The following SNAPC4 variants were observed in gnomAD, a reference collection of about 807,000 sequenced individuals.
SNAPC4 encodes the protein small nuclear RNA activating complex polypeptide 4, also known as snRNA-activating protein complex subunit 4.
SNAPC4 carries 127 observed loss-of-function variants against 151.3 expected under a neutral mutation model. That is an observed-to-expected ratio of 0.84 (90% CI 0.73 to 0.97). The LOEUF (loss-of-function observed/expected upper bound fraction) is 0.97. Ranked by LOEUF, SNAPC4 falls within the 50% of genes least tolerant of loss-of-function variation. The pLI, the probability that SNAPC4 is intolerant of heterozygous loss-of-function variation, is 0.00. For synonymous variants in SNAPC4, 1,002 were observed against 824.4 expected, an observed-to-expected ratio of 1.22 and a Z score of -3.69; for missense variants, 2,186 against 1,935.0, an observed-to-expected ratio of 1.13 and a Z score of -2.43.
Position 136,395,382 on chromosome 9 carries a change from C to T in SNAPC4, c.387G>A (p.Lys129=), listed in dbSNP as rs1296139598. 1.1e-5 allele frequency: 18 copies of T among 1,613,572 alleles called. No homozygotes were observed. Among genetic ancestry groups the T allele is most frequent in the Non-Finnish European group, 1.5e-5 (18 of 1,179,972 alleles). The change falls in exon 5 of 24, where the codon AAG becomes AAA. Residue 129 remains lysine (K), a synonymous_variant. Coordinates refer to ENST00000684778, the MANE Select transcript of SNAPC4 (RefSeq NM_003086.4). ...GGGGCAGGCTTTTGCCATCTTTCAC[C>T]TTGGTGCCTTTGGACCCAGCCAGAT... ...MRDLAGSKGT[K]VKDGKSLPPS...
intron 3 of SNAPC4, among the ~76,000 whole-genome samples, chr9:136,396,259 A>G (rs1379614439): frequency 6.6e-6 from 1 of 152,248 alleles, no homozygotes; most frequent in Non-Finnish European, 1.5e-5. Flanking sequence ...CAGAAGGTGA[A>G]CCACACAGCC....
In SNAPC4 at chr9:136,378,580, G is replaced by C; in HGVS notation, c.3247C>G (p.Gln1083Glu). The C allele has an allele frequency of 6.3e-7, 1 of 1,587,714 alleles. No homozygotes were observed. The highest frequency in any genetic ancestry group is 8.5e-7 in the Non-Finnish European group (1 of 1,169,912). The change falls in exon 22 of 24, where the codon CAG becomes GAG. Residue 1083 changes from glutamine (Q) to glutamate (E), a missense_variant. By Grantham distance (29) the Gln-to-Glu change is conservative. Transcript: ENST00000684778. ...PLPVTWVLTA[Q>E]GLLPVPVPAV... is the part of the protein sequence containing the mutation. Reference sequence around the variant, plus strand: ...GGTACAGGAACAGGGAGAAGCCCCTGGGCTGTGAGCACCCAGGTGACAGGC... The same window carrying C: ...GGTACAGGAACAGGGAGAAGCCCCTCGGCTGTGAGCACCCAGGTGACAGGC...
rs993979291 is a variant in SNAPC4 at position 136,392,813 on chromosome 9, C to A, written c.633-36G>T. 4 of 1,572,678 alleles carry A rather than the reference C, an allele frequency of 2.5e-6. No individual in the cohort carries two copies. The South Asian group carries it at 3.3e-5, about 13-fold the overall frequency. Reference sequence around the variant, plus strand: ...GAGCAGAGGCAGAAGGGCTGGGGCACGAGGGCTGCGGGGCGGGGCAGGTTC... The same window carrying A: ...GAGCAGAGGCAGAAGGGCTGGGGCAAGAGGGCTGCGGGGCGGGGCAGGTTC... On this transcript the variant is annotated intron_variant, in intron 7 of 23. Coordinates refer to ENST00000684778, the MANE Select transcript of SNAPC4 (RefSeq NM_003086.4).
Position 136,382,042 on chromosome 9 carries a change from G to A in SNAPC4, c.2099C>T (p.Thr700Ile), listed in dbSNP as rs1211614544. The A allele has an allele frequency of 2.8e-5, 44 of 1,598,568 alleles. No individual in the cohort carries two copies. Among genetic ancestry groups the A allele is most frequent in the Non-Finnish European group, 3.7e-5 (43 of 1,173,384 alleles). Residue 700 changes from threonine to isoleucine, a missense_variant, in exon 18 of 24, where the codon ACC becomes ATC. Coordinates refer to ENST00000684778, the MANE Select transcript of SNAPC4 (RefSeq NM_003086.4). ...ACCAGAGCTGACCCCTGGGGATGAG[G>A]TGGGCAGGGGTGGCTGCCTCAGCTG... ...KEQLRQPPLP[T>I]SSPGVSSGDS... is the part of the protein sequence containing the mutation.
In SNAPC4 at chr9:136,395,751, T is replaced by TA. The variant is rs762485716; in HGVS notation, c.196_197insT (p.Glu66ValfsTer5). 6.2e-7 allele frequency: 1 copy of TA among 1,612,540 alleles called. No individual in the cohort carries two copies. The highest frequency in any genetic ancestry group is 8.5e-7 in the Non-Finnish European group (1 of 1,179,422). On this transcript the variant is annotated frameshift_variant, in exon 4 of 24. Transcript: ENST00000684778. LOFTEE classifies it high-confidence loss of function. Reference sequence around the variant, plus strand: ...GGGATCGTCCTCGTCATTGCTGGCTTCGCCCCACCTTTCTTCTTCCTGGTA... The same window carrying TA: ...GGGATCGTCCTCGTCATTGCTGGCTTACGCCCCACCTTTCTTCTTCCTGGTA...
intron 16 of SNAPC4, among the ~76,000 whole-genome samples, chr9:136,382,784 G>A (rs908488708): frequency 2.0e-5 from 3 of 152,230 alleles, no homozygotes; most frequent in African/African-American, 7.2e-5. Flanking sequence ...GACCAGCCAA[G>A]ACGAGCAGAC....
intron 5 of SNAPC4, among the ~76,000 whole-genome samples, 180 bp from the exon 6 acceptor site, chr9:136,395,058 T>G (rs1279794598): frequency 2.0e-5 from 3 of 152,200 alleles, no homozygotes; most frequent in Non-Finnish European, 2.9e-5. Context: ...AGGTCAGGCC[T>G]CGCACAGACA....
intron 13 of SNAPC4, among the ~76,000 whole-genome samples, chr9:136,387,115 G>C (rs974295044): frequency 6.6e-6 from 1 of 152,236 alleles, no homozygotes; most frequent in Non-Finnish European, 1.5e-5. Flanking sequence ...GTTTTTGAAA[G>C]GAAAATAAGC....
intron 7 of SNAPC4, among the ~76,000 whole-genome samples, chr9:136,393,000 C>T (rs981228236): frequency 3.3e-5 from 5 of 152,190 alleles, no homozygotes; most frequent in Admixed American, 1.3e-4. Context: ...CAGAGGCTAC[C>T]GCCTGCTGGC....
intron 16 of SNAPC4, among the ~76,000 whole-genome samples, chr9:136,382,611 C>T (rs145739120): frequency 3.5e-4 from 53 of 152,328 alleles, no homozygotes; most frequent in Non-Finnish European, 6.0e-4. Flanking sequence ...GGTGACGCCC[C>T]GGCCTAGGGA....
rs565276085 is a variant in SNAPC4 at position 136,394,084 on chromosome 9, A to G, written c.632+165T>C. On this transcript the variant is annotated intron_variant, in intron 7 of 23. Coordinates refer to ENST00000684778, the MANE Select transcript of SNAPC4 (RefSeq NM_003086.4). ...AGGTGTGCACCACCACACCCAGCTA[A>G]TTTTTTTACTTTTTGAAGAGATGGG... Among the ~76,000 whole-genome samples the G allele has an allele frequency of 3.3e-5, 5 of 152,194 alleles. No individual in the cohort carries two copies. The East Asian group carries it at 9.7e-4, about 29-fold the overall frequency.
In SNAPC4 at chr9:136,382,125, G is replaced by A. The variant is rs576252428; in HGVS notation, c.2068-52C>T. 60 of 1,563,522 alleles carry A rather than the reference G, an allele frequency of 3.8e-5. No homozygotes were observed. The African/African-American group carries it at 7.3e-4, about 19-fold the overall frequency. On this transcript the variant is annotated intron_variant, in intron 17 of 23. Transcript: ENST00000684778. ...CCCATGGCCAGGCTCGGCCCCCGGA[G>A]TGGACCCTGCCCAGTGGCCAGTGCT...
chr9:136,392,958 C>T (rs373366452), intron 7 of SNAPC4, among the ~76,000 whole-genome samples, 181 bp from the exon 8 acceptor site: 35 of 152,204 alleles, frequency 2.3e-4, no homozygotes, highest in African/African-American at 8.0e-4. Context: ...AGGCTGCCAC[C>T]GGGGTGGGAA....
intron 1 of SNAPC4, among the ~76,000 whole-genome samples, chr9:136,399,732 G>A (rs1387309390): frequency 7.2e-5 from 11 of 152,314 alleles, no homozygotes; most frequent in Admixed American, 3.9e-4. Flanking sequence ...GACGATGGGC[G>A]TTTAGGCACT....
chr9:136,388,592 C>A lies in SNAPC4; in HGVS notation c.976-1G>T. 1 of 1,613,922 alleles carries A rather than the reference C, an allele frequency of 6.2e-7. No homozygotes were observed. The highest frequency in any genetic ancestry group is 8.5e-7 in the Non-Finnish European group (1 of 1,180,006). The stretch of plus-strand genomic sequence containing the variant: ...GGCACTGGAAGGCGCTGCGGCTGGT[C>A]TTCCCAGGCCCAAACAAAAGCAAAT... On this transcript the variant is annotated splice_acceptor_variant, in intron 10 of 23. Transcript: ENST00000684778. LOFTEE classifies it high-confidence loss of function.
rs1490340929 is a variant in SNAPC4 at position 136,384,921 on chromosome 9, C to G, written c.1326-107G>C. 5.1e-6 allele frequency: 3 copies of G among 589,122 alleles called. No homozygotes were observed. In the Admixed American group the frequency reaches 1.0e-4, roughly 20 times the overall value. 36.5% of individuals were successfully genotyped at this position (589,122 alleles called of 1,614,324 possible). A position where few individuals can be genotyped will look rare whatever the true frequency, so the allele number is the denominator to read the frequency against. On this transcript the variant is annotated intron_variant, in intron 13 of 23. Transcript: ENST00000684778. ...TTGGATATGACACTAAAGGCGCAAG[C>G]AACAAAAGAAAACTACAGATAAAGT... is the stretch of plus-strand genomic sequence containing the variant.
intron 23 of SNAPC4, 139 bp downstream of exon 23, chr9:136,376,210 T>C: frequency 2.0e-6 from 2 of 981,354 alleles, no homozygotes; most frequent in South Asian, 3.5e-5. Context: ...AGGGCCTCCA[T>C]GACCCTGGAC....
Position 136,383,235 on chromosome 9 carries a change from G to C in SNAPC4, c.1934C>G (p.Ser645Cys). ...HGPVPRSAQA[S>C]HSADTRPAGA... ...CGCCGGGCGAGTGTCTGCTGAGTGGGAGGCCTGGGCAGACCTCGGGACAGG... is the reference window on the plus strand; with the variant it reads ...CGCCGGGCGAGTGTCTGCTGAGTGGCAGGCCTGGGCAGACCTCGGGACAGG... The change falls in exon 16 of 24, where the codon TCC (serine) becomes TGC (cysteine). Residue 645 changes from serine (S) to cysteine (C), a missense_variant. Coordinates refer to ENST00000684778, the MANE Select transcript of SNAPC4 (RefSeq NM_003086.4). This position sits in a 1 kb window ranked among gnomAD's most constrained non-coding sequence, Gnocchi z 4.2. The C allele has an allele frequency of 6.3e-7, 1 of 1,579,922 alleles. No individual in the cohort carries two copies. The highest frequency in any genetic ancestry group is 8.6e-7 in the Non-Finnish European group (1 of 1,164,386).
rs748126485 is a variant in SNAPC4, at chr9:136,378,059, C to T, written c.3768G>A (p.Lys1256=). The T allele has an allele frequency of 3.2e-4, 509 of 1,577,466 alleles. No individual in the cohort carries two copies. Among genetic ancestry groups the T allele is most frequent in the Non-Finnish European group, 4.2e-4 (487 of 1,162,544 alleles). The change falls in exon 22 of 24, where the codon AAG becomes AAA. Residue 1256 remains lysine, a synonymous_variant. Coordinates refer to ENST00000684778, the MANE Select transcript of SNAPC4 (RefSeq NM_003086.4). The stretch of plus-strand genomic sequence containing the variant: ...CAGGCCCAGGCTGGGGTAGGGGCGG[C>T]TTCTCCAGGTCCAGGGCCCCCTTCT... ...GPEKGALDLE[K]PPLPQPGPEK...
Sources: gnomAD v4.1 joint callset for allele counts (sites outside exome capture counted in the v4.1 genomes callset) on GRCh38, gnomAD v4.1.1 for gene constraint, Gnocchi (gnomAD v3.1) non-coding constraint, MANE v1.5 for transcripts, NCBI Gene and HGNC (gene_info 2026-07-23, HGNC 2026-07-21) for gene names.